The following USP6 variants were observed in gnomAD, a reference collection of about 807,000 sequenced individuals.
The protein encoded by USP6 is ubiquitin carboxyl-terminal hydrolase 6.
USP6 carries 128 observed loss-of-function variants against 175.7 expected under a neutral mutation model. The ratio of observed to expected loss-of-function variants is 0.73; its 90% confidence interval spans 0.63 to 0.84. USP6 has a LOEUF of 0.84. Ranked by LOEUF, USP6 falls within the 40% of genes least tolerant of loss-of-function variation. The pLI, the probability that USP6 is intolerant of heterozygous loss-of-function variation, is 0.00. For missense variants in USP6, 1,498 were observed against 1,760.3 expected, an observed-to-expected ratio of 0.85 and a Z score of 2.67; for synonymous variants, 562 against 630.6, an observed-to-expected ratio of 0.89 and a Z score of 1.63.
intron 16 of USP6, 33 bp downstream of exon 16, chr17:5,135,315 G>A (rs1431502061): frequency 6.2e-7 from 1 of 1,610,176 alleles, no homozygotes; most frequent in East Asian, 2.2e-5. Context: ...TTCCCAGGCT[G>A]TATTTCCATA....
In USP6 at chr17:5,142,462, G is replaced by A. The variant is rs1567793082; in HGVS notation, c.1778G>A (p.Trp593Ter). The change falls in exon 25 of 38, where the codon TGG becomes TAG. Residue 593 changes from tryptophan to a stop codon, truncating the protein, a stop_gained. Transcript: ENST00000574788. LOFTEE classifies it high-confidence loss of function. ...KCYGDLVQEL[W>*]SGTQKSVAPL... is the part of the protein sequence containing the mutation. ...TATGGTGATTTAGTGCAGGAACTCT[G>A]GAGTGGAACTCAGAAGAGTGTTGCC... 5 of 1,613,774 alleles carry A rather than the reference G, an allele frequency of 3.1e-6. No individual in the cohort carries two copies. Among genetic ancestry groups the A allele is most frequent in the African/African-American group, 2.7e-5 (2 of 74,908 alleles).
At chr17:5,164,989 G>A (rs1598094525) in intron 33 of USP6, among the ~76,000 whole-genome samples, 1 of 152,182 alleles carries the variant, frequency 6.6e-6, no homozygotes, top group Admixed American at 6.5e-5. Flanking sequence ...ATAAAGCATG[G>A]TGTATTCATT....
intron 2 of USP6, among the ~76,000 whole-genome samples, chr17:5,119,149 C>G (rs894766329): frequency 6.6e-6 from 1 of 151,456 alleles, no homozygotes; most frequent in Non-Finnish European, 1.5e-5. Context: ...CCAATCACCC[C>G]TCTTCCTCAA....
In USP6 at chr17:5,132,171, G is replaced by A; in HGVS notation, c.156-225G>A. On this transcript the variant is annotated intron_variant, in intron 11 of 37. Coordinates refer to ENST00000574788, the MANE Select transcript of USP6 (RefSeq NM_001304284.2). The surrounding 1 kb of genome is among the most constrained non-coding windows in gnomAD (Gnocchi z 4.7). ...ACCACCCCCCATGCCAGGGGCCCCA[G>A]TAACCCCAGCCAGGCTGTCCCTGCA... 4 of 1,508,250 alleles carry A rather than the reference G, an allele frequency of 2.7e-6. No individual in the cohort carries two copies. Among genetic ancestry groups the A allele is most frequent in the Non-Finnish European group, 3.6e-6 (4 of 1,123,364 alleles). The allele number at this position is 1,508,250 out of a possible 1,614,324, so 93.4% of individuals were successfully genotyped here.
chr17:5,118,884 G>A (rs755592507), intron 2 of USP6, among the ~76,000 whole-genome samples: 2 of 152,206 alleles, frequency 1.3e-5, no homozygotes. Context: ...CAGGATGAGG[G>A]TGGGGCAGCC....
intron 6 of USP6, among the ~76,000 whole-genome samples, chr17:5,126,220 G>A (rs961376975): frequency 1.3e-5 from 2 of 152,154 alleles, no homozygotes; most frequent in African/African-American, 2.4e-5. Flanking sequence ...GCCCCAGCAT[G>A]TACCCAGCTG....
chr17:5,122,625 G>GAACGGCCGGCTGC (rs2072721301), intron 4 of USP6, among the ~76,000 whole-genome samples: 1 of 152,186 alleles, frequency 6.6e-6, no homozygotes, highest in African/African-American at 2.4e-5. Flanking sequence ...GGCCCTCCCG[G>GAACGGCCGGCTGC]AACGGCCGGC....
At position 5,155,624 on chromosome 17, in the gene USP6, A is replaced by G. The variant is rs1435644432; in HGVS notation, c.2828+18A>G. The G allele has an allele frequency of 1.9e-6, 3 of 1,601,850 alleles. No homozygotes were observed. Among genetic ancestry groups the G allele is most frequent in the South Asian group, 1.1e-5 (1 of 89,520 alleles). On this transcript the variant is annotated intron_variant, in intron 31 of 37. Coordinates refer to ENST00000574788, the MANE Select transcript of USP6 (RefSeq NM_001304284.2). The stretch of plus-strand genomic sequence containing the variant: ...CAGGATCGGTGAGTTCAGGGGATCC[A>G]TCTAAACCTGTGGTTTCCAAACTCT...
At chr17:5,125,460 C>G (rs1416753765) in intron 5 of USP6, among the ~76,000 whole-genome samples, 188 bp downstream of exon 5, 2 of 152,034 alleles carry the variant, frequency 1.3e-5, no homozygotes, top group Non-Finnish European at 2.9e-5. Flanking sequence ...GGTGTAAATG[C>G]TTTAAGGAAT....
chr17:5,123,263 C>T (rs1180968259), intron 4 of USP6: 1 of 153,578 alleles, frequency 6.5e-6, no homozygotes, highest in Non-Finnish European at 1.5e-5. Flanking sequence ...GCCACATGCT[C>T]CTGGATACAA....
At chr17:5,160,305 C>T (rs1167924253) in intron 31 of USP6, among the ~76,000 whole-genome samples, 1 of 152,100 alleles carries the variant, frequency 6.6e-6, no homozygotes, top group Non-Finnish European at 1.5e-5. Context: ...TTCAATAGCC[C>T]ATGTAATAAC....
chr17:5,161,453 C>A, intron 31 of USP6, 75 bp from the exon 32 acceptor site: 2 of 1,492,296 alleles, frequency 1.3e-6, no homozygotes, highest in South Asian at 2.3e-5. Context: ...AGGATTACTT[C>A]AAGAGAAGAT....
At chr17:5,148,901 T>C (rs1567799834) in intron 30 of USP6, 134 bp downstream of exon 30, 5 of 1,416,204 alleles carry the variant, frequency 3.5e-6, no homozygotes, top group Non-Finnish European at 3.7e-6. Context: ...TTAATACTTT[T>C]ACAAATTTTA....
intron 36 of USP6, among the ~76,000 whole-genome samples, chr17:5,171,341 AAATAAT>A (rs894688253): frequency 3.3e-5 from 5 of 152,040 alleles, no homozygotes; most frequent in South Asian, 2.1e-4. Context: ...CCCTGTCTCA[AAATAAT>A]AATAATAATA....
At position 5,144,840 on chromosome 17, in the gene USP6, C is replaced by G; in HGVS notation, c.1969C>G (p.Pro657Ala). Residue 657 changes from proline to alanine, a missense_variant, in exon 26 of 38, where the codon CCA becomes GCA. Pro to Ala is a conservative substitution (Grantham distance 27, BLOSUM62 -1). This residue lies in a region of USP6 where 1,217 missense variants were observed against 1,500.8 expected (regional missense o/e 0.81). Transcript: ENST00000574788. ...YVELKDSDGR[P>A]DWEVAAEAWD... is the part of the protein sequence containing the mutation. ...GGAACTGAAGGACAGTGATGGCCGA[C>G]CAGACTGGGAAGTAGCTGCAGAGGT... 6.2e-7 allele frequency: 1 copy of G among 1,605,122 alleles called. No individual in the cohort carries two copies. The highest frequency in any genetic ancestry group is 1.7e-4 in the Middle Eastern group (1 of 6,032).
chr17:5,129,628 T>C (rs72477090), intron 8 of USP6: 1 of 152,530 alleles, frequency 6.6e-6, no homozygotes, highest in Admixed American at 6.5e-5. Flanking sequence ...GGAGGGACGG[T>C]CCATCTAGAT....
At position 5,144,784 on chromosome 17, in the gene USP6, A is replaced by G; in HGVS notation, c.1913A>G (p.Asp638Gly). ...TTTCTCTTGGATGGTCTTCATGAAG[A>G]TCTCAACCGAGTCCATGAAAAGCCA... ...LAFLLDGLHE[D>G]LNRVHEKPYV... The change falls in exon 26 of 38, where the codon GAT (aspartate) becomes GGT (glycine). Residue 638 changes from aspartate to glycine, a missense_variant. This residue lies in a region of USP6 where 1,217 missense variants were observed against 1,500.8 expected (regional missense o/e 0.81). Transcript: ENST00000574788. 2 of 1,613,786 alleles carry G rather than the reference A, an allele frequency of 1.2e-6. No individual in the cohort carries two copies. The highest frequency in any genetic ancestry group is 1.7e-6 in the Non-Finnish European group (2 of 1,179,766).
At chr17:5,117,594 A>C (rs1052143154) in intron 1 of USP6, among the ~76,000 whole-genome samples, 1 of 152,104 alleles carries the variant, frequency 6.6e-6, no homozygotes, top group Non-Finnish European at 1.5e-5. Flanking sequence ...TATATGTCAC[A>C]ATAAGGACTT....
chr17:5,121,922 A>C (rs952791399), intron 4 of USP6, among the ~76,000 whole-genome samples, 172 bp downstream of exon 4: 1 of 152,196 alleles, frequency 6.6e-6, no homozygotes. Context: ...GGAGCCTTGA[A>C]TGCCAAGTTA....
Sources: gnomAD v4.1 joint callset for allele counts (sites outside exome capture counted in the v4.1 genomes callset) on GRCh38, gnomAD v4.1.1 for gene constraint, gnomAD v4.1.1 regional missense constraint, Gnocchi (gnomAD v3.1) non-coding constraint, MANE v1.5 for transcripts, NCBI Gene and HGNC (gene_info 2026-07-23, HGNC 2026-07-21) for gene names.